Variants in DSCAM observed in about 807,000 individuals in gnomAD.
DSCAM encodes DS cell adhesion molecule.
In DSCAM, 47 loss-of-function variants were observed where a neutral mutation model predicts 217.7. That is an observed-to-expected ratio of 0.22 (90% confidence interval 0.17 to 0.28). The LOEUF (loss-of-function observed/expected upper bound fraction) is 0.28, where lower values mean the gene tolerates loss of function less well. Among genes scored for constraint, DSCAM ranks in the 10% least tolerant of loss-of-function variants. The pLI, the probability that DSCAM is intolerant of heterozygous loss-of-function variation, is 1.00. For synonymous variants in DSCAM, 1,056 were observed against 1,015.3 expected (o/e 1.04, Z -0.76); for missense variants, 2,080 against 2,618.3 (o/e 0.79, Z 4.49).
chr21:40,284,940 T>G (rs758195646), intron 10 of DSCAM, among the ~76,000 whole-genome samples: 7 of 152,210 alleles, frequency 4.6e-5, no homozygotes, highest in African/African-American at 7.2e-5. Context: ...CAATGGAAAT[T>G]TCATGGTCTA....
At chr21:40,168,467 T>C (rs2051842484) in intron 15 of DSCAM, among the ~76,000 whole-genome samples, 1 of 152,168 alleles carries the variant, frequency 6.6e-6, no homozygotes, top group Non-Finnish European at 1.5e-5. Context: ...AGGTGTCTTC[T>C]GAGAAGCAGA....
chr21:40,836,013 C>A (rs1569060975), intron 1 of DSCAM, among the ~76,000 whole-genome samples: 1 of 152,216 alleles, frequency 6.6e-6, no homozygotes, highest in Non-Finnish European at 1.5e-5. Context: ...CCCTTCAGAT[C>A]TGGCTCTGGA....
intron 3 of DSCAM, among the ~76,000 whole-genome samples, chr21:40,502,643 C>T (rs1601696126): frequency 6.6e-6 from 1 of 152,286 alleles, no homozygotes; most frequent in Non-Finnish European, 1.5e-5. Flanking sequence ...CACTCTGACA[C>T]GGGTTCTCCC....
chr21:40,766,835 G>A (rs1360512742), intron 1 of DSCAM, among the ~76,000 whole-genome samples: 1 of 151,826 alleles, frequency 6.6e-6, no homozygotes, highest in African/African-American at 2.4e-5. Context: ...AATTACAGGT[G>A]CATGCCACCA....
At chr21:40,486,399 A>T (rs1452967717) in intron 3 of DSCAM, among the ~76,000 whole-genome samples, 4 of 152,068 alleles carry the variant, frequency 2.6e-5, no homozygotes, top group African/African-American at 4.8e-5. Flanking sequence ...AGATCCTGGC[A>T]TGGAGTATTT....
intron 26 of DSCAM, among the ~76,000 whole-genome samples, chr21:40,077,474 C>G (rs1274729793): frequency 6.6e-6 from 1 of 152,152 alleles, no homozygotes; most frequent in Non-Finnish European, 1.5e-5. Flanking sequence ...TTCTGTGGGT[C>G]CTTAGGTTCA....
At chr21:40,199,392 C>G (rs1039295467) in intron 11 of DSCAM, among the ~76,000 whole-genome samples, 9 of 152,114 alleles carry the variant, frequency 5.9e-5, no homozygotes, top group Non-Finnish European at 1.0e-4. Context: ...TTTATCCAGT[C>G]TATCATTAAT....
At chr21:40,282,850 T>C (rs1431565108) in intron 10 of DSCAM, among the ~76,000 whole-genome samples, 1 of 152,182 alleles carries the variant, frequency 6.6e-6, no homozygotes, top group Non-Finnish European at 1.5e-5. Context: ...CTCAATTAAA[T>C]AGCAGAAAAG....
chr21:40,461,133 CATGA>C lies in DSCAM; in HGVS notation c.509-91892_509-91889del, dbSNP rs1005566040. 3.5e-4 allele frequency among the ~76,000 whole-genome samples: 52 copies of C among 149,182 alleles called. 1 individual carries two copies. The highest frequency in any genetic ancestry group is 1.4e-3 in the East Asian group (7 of 5,130). ...GCAGCTGTTTAAAAGAAAGAAAAAACATGAATGAAGTATTATTCACATAGGCATA... is the reference window on the plus strand; with the variant it reads ...GCAGCTGTTTAAAAGAAAGAAAAAACATGAAGTATTATTCACATAGGCATA... On this transcript the variant is annotated intron_variant, in intron 3 of 32. Coordinates refer to ENST00000400454, the MANE Select transcript of DSCAM (RefSeq NM_001389.5).
chr21:40,316,455 A>C (rs2123504605), intron 8 of DSCAM, among the ~76,000 whole-genome samples: 1 of 152,352 alleles, frequency 6.6e-6, no homozygotes, highest in Non-Finnish European at 1.5e-5. Context: ...ATAAGACATA[A>C]GATCGATGGC....
chr21:40,101,973 G>T (rs2089757917), intron 20 of DSCAM, among the ~76,000 whole-genome samples: 1 of 152,120 alleles, frequency 6.6e-6, no homozygotes, highest in South Asian at 2.1e-4. Context: ...AATAGGAAGG[G>T]CTTGTAAATA....
At chr21:40,610,494 G>A (rs1027788194) in intron 3 of DSCAM, among the ~76,000 whole-genome samples, 16 of 152,218 alleles carry the variant, frequency 1.1e-4, no homozygotes, top group Admixed American at 4.6e-4. Context: ...TCCAGCTTCC[G>A]GTGGGAACAT....
Position 40,571,744 on chromosome 21 carries a change from T to C in DSCAM, c.508+121066A>G, listed in dbSNP as rs137900716. Among the ~76,000 whole-genome samples, 111 of 152,302 alleles carry C rather than the reference T, an allele frequency of 7.3e-4. 2 individuals carry two copies. The East Asian group carries it at 0.02, about 28-fold the overall frequency. On this transcript the variant is annotated intron_variant, in intron 3 of 32. Coordinates refer to ENST00000400454, the MANE Select transcript of DSCAM (RefSeq NM_001389.5). Reference sequence around the variant, plus strand: ...AGGTTGAGCATCCCCAGTCCAAATATCCAAAATCTGAAATATTCCCATTTT... The same window carrying C: ...AGGTTGAGCATCCCCAGTCCAAATACCCAAAATCTGAAATATTCCCATTTT...
chr21:40,537,334 G>A (rs11700429), intron 3 of DSCAM, among the ~76,000 whole-genome samples: 10,811 of 152,128 alleles, frequency 0.071, 713 homozygotes, highest in African/African-American at 0.17. Context: ...GACATAGATC[G>A]GTGCTGCCTT....
intron 1 of DSCAM, among the ~76,000 whole-genome samples, chr21:40,802,325 T>C (rs1331495721): frequency 6.6e-6 from 1 of 152,272 alleles, no homozygotes. Flanking sequence ...TCTTTCTAGG[T>C]ACCTTGAAAG....
rs374203655 is a variant in DSCAM at position 40,743,048 on chromosome 21, T to G, written c.44-34277A>C. Among the ~76,000 whole-genome samples the G allele has an allele frequency of 3.9e-5, 6 of 152,330 alleles. No homozygotes were observed. In the East Asian group the frequency reaches 1.2e-3, roughly 29 times the overall value. On this transcript the variant is annotated intron_variant, in intron 1 of 32. Coordinates refer to ENST00000400454, the MANE Select transcript of DSCAM (RefSeq NM_001389.5). ...AACAAATTTATACTTACACTTACTTTACTGAAGAAGACTTCTGCATTGAGA... is the reference window on the plus strand; with the variant it reads ...AACAAATTTATACTTACACTTACTTGACTGAAGAAGACTTCTGCATTGAGA...
intron 3 of DSCAM, among the ~76,000 whole-genome samples, chr21:40,550,777 G>A (rs1296595824): frequency 6.6e-6 from 1 of 152,192 alleles, no homozygotes; most frequent in Non-Finnish European, 1.5e-5. Context: ...GAGTAACTGA[G>A]GGACTGTCAC....
intron 1 of DSCAM, among the ~76,000 whole-genome samples, chr21:40,824,295 T>G (rs2091951149): frequency 6.6e-6 from 1 of 152,172 alleles, no homozygotes; most frequent in Non-Finnish European, 1.5e-5. Context: ...CTGCATTGAT[T>G]GCTCAAATAG....
chr21:40,809,646 G>A (rs115801381), intron 1 of DSCAM, among the ~76,000 whole-genome samples: 439 of 152,260 alleles, frequency 2.9e-3, no homozygotes, highest in African/African-American at 9.8e-3. Context: ...TTGGATCTGG[G>A]TCCTCTAGGA....
Sources: gnomAD v4.1 joint callset for allele counts (sites outside exome capture counted in the v4.1 genomes callset) on GRCh38, gnomAD v4.1.1 for gene constraint, MANE v1.5 for transcripts, NCBI Gene and HGNC (gene_info 2026-07-23, HGNC 2026-07-21) for gene names.